Variants in ERC1 observed in about 807,000 individuals in gnomAD.
ERC1 encodes the protein ELKS/RAB6-interacting/CAST family member 1.
ERC1 carries 56 observed loss-of-function variants against 132.0 expected under a neutral mutation model. That is an observed-to-expected ratio of 0.42 (90% CI 0.34 to 0.53). ERC1 has a LOEUF of 0.53. Ranked by LOEUF, ERC1 falls within the 20% of genes least tolerant of loss-of-function variation. The pLI is 0.03. For synonymous variants in ERC1, 478 were observed against 476.1 expected (o/e 1.00, Z -0.05); for missense variants, 1,202 against 1,349.9 (o/e 0.89, Z 1.72).
intron 15 of ERC1, among the ~76,000 whole-genome samples, chr12:1,354,297 G>A (rs574054379): frequency 1.3e-5 from 2 of 152,156 alleles, no homozygotes; most frequent in African/African-American, 4.8e-5. Context: ...GCCGAGGTGG[G>A]CCAATCACTT....
At chr12:1,353,321 C>T (rs777412326) in intron 15 of ERC1, among the ~76,000 whole-genome samples, 16 of 152,108 alleles carry the variant, frequency 1.1e-4, no homozygotes, top group East Asian at 5.8e-4. Context: ...TGAGCCACCG[C>T]GCCCGGCCTA....
chr12:1,209,600 T>C (rs1437275004), intron 12 of ERC1, among the ~76,000 whole-genome samples: 1 of 152,202 alleles, frequency 6.6e-6, no homozygotes, highest in Non-Finnish European at 1.5e-5. Context: ...TTTGATTATT[T>C]TATAAGATCC....
intron 2 of ERC1, among the ~76,000 whole-genome samples, chr12:1,045,827 AAGAAT>A (rs1441293581): frequency 1.3e-5 from 2 of 152,174 alleles, no homozygotes; most frequent in Non-Finnish European, 2.9e-5. Flanking sequence ...GAGGAAATAC[AAGAAT>A]AGGTGTATCA....
chr12:1,331,925 A>G (rs2082894329), intron 15 of ERC1, among the ~76,000 whole-genome samples: 1 of 152,214 alleles, frequency 6.6e-6, no homozygotes. Flanking sequence ...TTACCAAACC[A>G]TCTTAACCAG....
At chr12:1,461,869 A>G (rs1056645435) in intron 18 of ERC1, among the ~76,000 whole-genome samples, 1 of 152,290 alleles carries the variant, frequency 6.6e-6, no homozygotes, top group African/African-American at 2.4e-5. Context: ...ATAGGACTTT[A>G]TCAAACTTTA....
chr12:1,112,723 T>G (rs969104105), intron 6 of ERC1, among the ~76,000 whole-genome samples: 2 of 152,246 alleles, frequency 1.3e-5, no homozygotes, highest in Non-Finnish European at 2.9e-5. Flanking sequence ...TTACCTTATG[T>G]AGACATTATC....
chr12:1,308,246 A>G (rs992744211), intron 15 of ERC1, among the ~76,000 whole-genome samples: 2 of 152,038 alleles, frequency 1.3e-5, no homozygotes, highest in African/African-American at 4.8e-5. Context: ...CATGAATGGT[A>G]GCAGTTACTT....
At chr12:1,052,444 C>T (rs904456487) in intron 2 of ERC1, among the ~76,000 whole-genome samples, 6 of 151,946 alleles carry the variant, frequency 3.9e-5, no homozygotes, top group Non-Finnish European at 7.4e-5. Context: ...GATAATAAAC[C>T]GCTGTGTTTT....
chr12:1,082,766 A>G (rs1942418786), intron 2 of ERC1, among the ~76,000 whole-genome samples: 1 of 152,120 alleles, frequency 6.6e-6, no homozygotes, highest in Non-Finnish European at 1.5e-5. Flanking sequence ...CTGGAATTAC[A>G]CAGGTGTGAG....
chr12:1,021,893 G>A (rs936198288), intron 1 of ERC1, among the ~76,000 whole-genome samples: 1 of 152,106 alleles, frequency 6.6e-6, no homozygotes, highest in African/African-American at 2.4e-5. Context: ...TTTGACCCAG[G>A]AGACTCATGT....
At chr12:1,331,101 A>G (rs1245856592) in intron 15 of ERC1, among the ~76,000 whole-genome samples, 1 of 152,204 alleles carries the variant, frequency 6.6e-6, no homozygotes, top group Non-Finnish European at 1.5e-5. Context: ...ATGTAACCTG[A>G]CACCCAAATC....
At chr12:1,414,987 A>C (rs2092044090) in intron 17 of ERC1, among the ~76,000 whole-genome samples, 1 of 152,232 alleles carries the variant, frequency 6.6e-6, no homozygotes, top group Non-Finnish European at 1.5e-5. Context: ...TATTACTAGA[A>C]AGGGAAGATA....
chr12:1,442,085 G>A (rs1237366151), intron 17 of ERC1, among the ~76,000 whole-genome samples: 4 of 152,058 alleles, frequency 2.6e-5, no homozygotes, highest in African/African-American at 9.7e-5. Context: ...ACGCCACCAT[G>A]CCCGACTAAT....
At chr12:1,169,010 GA>G (rs973491742) in intron 8 of ERC1, among the ~76,000 whole-genome samples, 1 of 151,856 alleles carries the variant, frequency 6.6e-6, no homozygotes, top group East Asian at 1.9e-4. Flanking sequence ...ACATGGTGAA[GA>G]AAAAAATAAT....
intron 7 of ERC1, among the ~76,000 whole-genome samples, chr12:1,128,885 C>T (rs10848444): frequency 0.61 from 93,357 of 151,986 alleles, 30,976 homozygotes; most frequent in East Asian, 0.87. Context: ...TAGAGAGCTG[C>T]AGGAACAGTT....
intron 12 of ERC1, among the ~76,000 whole-genome samples, chr12:1,233,606 T>C (rs1314420144): frequency 1.3e-5 from 2 of 151,968 alleles, no homozygotes; most frequent in Admixed American, 6.6e-5. Context: ...TATATTCAAG[T>C]CTTTAAAGCT....
chr12:1,262,039 A>G (rs187519852), intron 13 of ERC1, among the ~76,000 whole-genome samples: 107 of 152,326 alleles, frequency 7.0e-4, no homozygotes, highest in African/African-American at 2.5e-3. Context: ...GGGCTGTGGT[A>G]TAATTGAGTT....
intron 18 of ERC1, among the ~76,000 whole-genome samples, chr12:1,457,892 C>CA (rs557064324): frequency 6.6e-6 from 1 of 151,574 alleles, no homozygotes; most frequent in African/African-American, 2.4e-5. Flanking sequence ...GACCCTGTCT[C>CA]AAAAAAAGAA....
intron 11 of ERC1, among the ~76,000 whole-genome samples, chr12:1,189,387 C>T (rs959599939): frequency 2.2e-4 from 33 of 152,178 alleles, no homozygotes; most frequent in African/African-American, 7.5e-4. Flanking sequence ...ATGCCCAAGG[C>T]CATGTGAGTC....
Sources: allele counts gnomAD v4.1 joint callset (sites outside exome capture counted in the v4.1 genomes callset), GRCh38; gene constraint gnomAD v4.1.1; transcripts MANE v1.5; gene names NCBI Gene and HGNC (gene_info 2026-07-23, HGNC 2026-07-21).